MRPS5: variants seen among roughly 807,000 people sequenced by gnomAD.
MRPS5 encodes mitochondrial ribosomal protein S5.
A neutral mutation model predicts 51.9 loss-of-function variants in MRPS5; 27 were observed. The observed-to-expected ratio is 0.52, with a 90% CI of 0.38 to 0.72. The LOEUF (loss-of-function observed/expected upper bound fraction) is 0.72, where lower values mean the gene tolerates loss of function less well. MRPS5 is among the 30% of genes least tolerant of loss of function. The probability of loss-of-function intolerance (pLI) is 0.00; values close to 1 mark genes in which losing one functional copy is unlikely to be tolerated. For synonymous variants in MRPS5, 196 were observed against 193.2 expected, an observed-to-expected ratio of 1.01 and a Z score of -0.12; for missense variants, 570 against 545.7, an observed-to-expected ratio of 1.04 and a Z score of -0.44.
chr2:95,094,040 A>G (rs1429277270), intron 10 of MRPS5, among the ~76,000 whole-genome samples: 5 of 152,238 alleles, frequency 3.3e-5, no homozygotes, highest in African/African-American at 7.2e-5. Flanking sequence ...GAGTACTTTA[A>G]ATGACCTGAT....
At chr2:95,110,314 T>A (rs1211468710) in intron 3 of MRPS5, among the ~76,000 whole-genome samples, 1 of 152,244 alleles carries the variant, frequency 6.6e-6, no homozygotes, top group East Asian at 1.9e-4. Context: ...CATTCAAATC[T>A]CAGTTACTTA....
intron 7 of MRPS5, 63 bp from the exon 8 acceptor site, chr2:95,101,786 C>G (rs1209870404): frequency 1.0e-5 from 12 of 1,160,032 alleles, no homozygotes; most frequent in Non-Finnish European, 1.5e-5. Context: ...GTTTTTGCCA[C>G]ATTTCAAGTT....
chr2:95,116,029 C>T (rs1279694049), intron 2 of MRPS5, among the ~76,000 whole-genome samples: 1 of 151,832 alleles, frequency 6.6e-6, no homozygotes, highest in African/African-American at 2.4e-5. Flanking sequence ...CCTCAGCCTC[C>T]CAAGTAGCTG....
At chr2:95,110,129 G>T in intron 3 of MRPS5, 88 bp from the exon 4 acceptor site, 1 of 1,508,788 alleles carries the variant, frequency 6.6e-7, no homozygotes, top group Non-Finnish European at 8.9e-7. Flanking sequence ...AGAAGTGGAG[G>T]TCAGCTTACA....
At chr2:95,109,782 GGTTGAATT>G in intron 4 of MRPS5, 126 bp downstream of exon 4, 4 of 992,640 alleles carry the variant, frequency 4.0e-6, no homozygotes, top group Non-Finnish European at 5.8e-6. Context: ...TAAGTCAACT[GGTTGAATT>G]CTAAAACCAT....
At position 95,106,465 on chromosome 2, in the gene MRPS5, G is replaced by A; in HGVS notation, c.638-8C>T. ...CAAAATCCTCATATGTTTCTGTAGG[G>A]AGAAAAGAAACAGGGATACAGATGA... On this transcript the variant is annotated splice_region_variant and splice_polypyrimidine_tract_variant and intron_variant, in intron 5 of 11. Transcript: ENST00000272418. 6.2e-7 allele frequency: 1 copy of A among 1,609,804 alleles called. No individual in the cohort carries two copies. Among genetic ancestry groups the A allele is most frequent in the Non-Finnish European group, 8.5e-7 (1 of 1,176,266 alleles).
intron 10 of MRPS5, among the ~76,000 whole-genome samples, chr2:95,095,047 T>C (rs939002297): frequency 3.3e-5 from 5 of 151,658 alleles, no homozygotes; most frequent in African/African-American, 4.8e-5. Context: ...ACCAAGCAAA[T>C]GGAAAGCAAA....
At chr2:95,098,154 C>A (rs939730588) in intron 10 of MRPS5, among the ~76,000 whole-genome samples, 121 of 152,302 alleles carry the variant, frequency 7.9e-4, no homozygotes, top group African/African-American at 2.7e-3. Context: ...CATCTCACAC[C>A]AGTTAGAATG....
Position 95,090,512 on chromosome 2 carries a change from G to A in MRPS5, c.942C>T (p.Leu314=). 3 of 1,614,110 alleles carry A rather than the reference G, an allele frequency of 1.9e-6. No homozygotes were observed. Among genetic ancestry groups the A allele is most frequent in the Non-Finnish European group, 8.5e-7 (1 of 1,179,992 alleles). ...KMKKQPKGYG[L]RCHRAIITIC... ...TGGTGATGATGGCCCTGTGGCAGCGGAGGCCGTAACCTAGAAAAGGAGAAA... is the reference window on the plus strand; with the variant it reads ...TGGTGATGATGGCCCTGTGGCAGCGAAGGCCGTAACCTAGAAAAGGAGAAA... Residue 314 remains leucine (L), a synonymous_variant, in exon 11 of 12, where the codon CTC becomes CTT. Coordinates refer to ENST00000272418, the MANE Select transcript of MRPS5 (RefSeq NM_031902.5).
chr2:95,115,135 G>A lies in MRPS5; in HGVS notation c.208C>T (p.Gln70Ter). ...YASLSRALQT[Q>*]CCISSPSHLM... is the part of the protein sequence containing the mutation. ...TGACTGGGAGAAGAAATACAGCATT[G>A]TGTCTGCAGTGCACGGCTCAAGCTG... The change falls in exon 3 of 12, where the codon CAA (glutamine) becomes TAA (stop). Residue 70 changes from glutamine (Q) to a stop codon, truncating the protein, a stop_gained. Coordinates refer to ENST00000272418, the MANE Select transcript of MRPS5 (RefSeq NM_031902.5). LOFTEE classifies it high-confidence loss of function. 1 of 1,613,000 alleles carries A rather than the reference G, an allele frequency of 6.2e-7. No individual in the cohort carries two copies. The highest frequency in any genetic ancestry group is 8.5e-7 in the Non-Finnish European group (1 of 1,179,724).
chr2:95,090,603 C>G, intron 10 of MRPS5, 81 bp from the exon 11 acceptor site: 1 of 1,556,292 alleles, frequency 6.4e-7, no homozygotes, highest in Non-Finnish European at 8.8e-7. Flanking sequence ...CGCATGGCTT[C>G]AGGCTCTGGG....
chr2:95,116,277 AATT>A (rs1293391767), intron 2 of MRPS5, among the ~76,000 whole-genome samples: 3 of 151,334 alleles, frequency 2.0e-5, no homozygotes, highest in Non-Finnish European at 4.4e-5. Flanking sequence ...TTAAATATTT[AATT>A]ATTAACTTAA....
At position 95,110,011 on chromosome 2, in the gene MRPS5, A is replaced by G. The variant is rs1286455942; in HGVS notation, c.308T>C (p.Leu103Ser). The stretch of plus-strand genomic sequence containing the variant: ...TTTTGCTCCAGCACCAGTCTCTGCT[A>G]AAGCGCCTTTCCACAGCTCATCTGC... ...LTADELWKGA[L>S]AETGAGAKKG... is the part of the protein sequence containing the mutation. The change falls in exon 4 of 12, where the codon TTA becomes TCA. Residue 103 changes from leucine to serine, a missense_variant. Coordinates refer to ENST00000272418, the MANE Select transcript of MRPS5 (RefSeq NM_031902.5). The G allele has an allele frequency of 1.2e-6, 2 of 1,613,936 alleles. No homozygotes were observed. The highest frequency in any genetic ancestry group is 3.3e-5 in the Admixed American group (2 of 59,968).
At position 95,106,883 on chromosome 2, in the gene MRPS5, G is replaced by A. The variant is rs1029732686; in HGVS notation, c.638-426C>T. ...CAGGCCTGAATCCATGCAGCTCTCT[G>A]GCCACTCCTGACCTGCTGGGTGCTG... is the stretch of plus-strand genomic sequence containing the variant. On this transcript the variant is annotated intron_variant, in intron 5 of 11. Transcript: ENST00000272418. Among the ~76,000 whole-genome samples the A allele has an allele frequency of 2.9e-4, 44 of 152,032 alleles. 1 individual carries two copies.
chr2:95,098,616 T>A (rs1453631887), intron 10 of MRPS5, among the ~76,000 whole-genome samples: 1 of 152,002 alleles, frequency 6.6e-6, no homozygotes, highest in East Asian at 1.9e-4. Flanking sequence ...ATGTTCTCAC[T>A]CATAGGTGGG....
chr2:95,113,032 C>T (rs1367897889), intron 3 of MRPS5, among the ~76,000 whole-genome samples: 1 of 150,228 alleles, frequency 6.7e-6, no homozygotes, highest in Non-Finnish European at 1.5e-5. Flanking sequence ...AAAAAAAGTA[C>T]TGCTTCATGT....
chr2:95,085,506 C>A lies in MRPS5; in HGVS notation c.*1851G>T, dbSNP rs1455527937. On this transcript the variant is annotated 3_prime_UTR_variant, in exon 12 of 12. Coordinates refer to ENST00000272418, the MANE Select transcript of MRPS5 (RefSeq NM_031902.5). ...ATAACTACCTTACTCTAGCAAAATA[C>A]CACACACAAAAAAAGGGGACCCACC... Among the ~76,000 whole-genome samples, 3 of 152,134 alleles carry A rather than the reference C, an allele frequency of 2.0e-5. No individual in the cohort carries two copies. Among genetic ancestry groups the A allele is most frequent in the African/African-American group, 7.2e-5 (3 of 41,408 alleles).
chr2:95,120,497 TATA>T (rs1214418047), intron 1 of MRPS5, among the ~76,000 whole-genome samples: 2 of 152,206 alleles, frequency 1.3e-5, no homozygotes, highest in African/African-American at 2.4e-5. Flanking sequence ...TTACAGTGAT[TATA>T]ATGTTGGCTG....
intron 11 of MRPS5, 104 bp from the exon 12 acceptor site, chr2:95,087,685 A>G (rs1675337899): frequency 1.1e-6 from 1 of 920,100 alleles, no homozygotes; most frequent in South Asian, 1.7e-5. Flanking sequence ...GGGTATTCAA[A>G]GGCCATTTCA....
Sources: allele counts gnomAD v4.1 joint callset (sites outside exome capture counted in the v4.1 genomes callset), GRCh38; gene constraint gnomAD v4.1.1; transcripts MANE v1.5; gene names NCBI Gene and HGNC (gene_info 2026-07-23, HGNC 2026-07-21).